Variants in PRKDC observed in about 807,000 individuals in gnomAD.
PRKDC encodes protein kinase, DNA-activated, catalytic subunit.
A neutral mutation model predicts 486.9 loss-of-function variants in PRKDC; 82 were observed. That is an observed-to-expected ratio of 0.17 (90% confidence interval 0.14 to 0.20). The LOEUF is 0.20. PRKDC is among the 10% of genes least tolerant of loss of function. The probability of loss-of-function intolerance (pLI) is 1.00; values close to 1 mark genes in which losing one functional copy is unlikely to be tolerated. For missense variants in PRKDC, 4,504 were observed against 5,038.2 expected (o/e 0.89, Z 3.21); for synonymous variants, 1,895 against 1,837.0 (o/e 1.03, Z -0.81).
intron 61 of PRKDC, among the ~76,000 whole-genome samples, chr8:47,829,956 G>A (rs2154499370): frequency 6.6e-6 from 1 of 152,170 alleles, no homozygotes; most frequent in Middle Eastern, 3.4e-3. Context: ...CCAAAAAAGA[G>A]CCCGTATAGC....
chr8:47,932,680 C>A (rs2090277447), intron 16 of PRKDC, among the ~76,000 whole-genome samples: 2 of 152,248 alleles, frequency 1.3e-5, no homozygotes, highest in East Asian at 3.9e-4. Flanking sequence ...ACAAGAGCAA[C>A]CCCAGGTTTC....
rs892202590 is a variant in PRKDC, at chr8:47,800,689, T to A, written c.10116+104A>T. The A allele has an allele frequency of 2.8e-5, 30 of 1,074,488 alleles. No homozygotes were observed. The Admixed American group carries it at 1.0e-3, about 36-fold the overall frequency. The allele number at this position is 1,074,488 out of a possible 1,614,324, so 66.6% of individuals were successfully genotyped here. On this transcript the variant is annotated intron_variant, in intron 71 of 85. Transcript: ENST00000314191. ...CTGTGCATAACTGTCAAATATATTT[T>A]AAAAACACAAAGCAACATCCTTATT...
intron 60 of PRKDC, 33 bp from the exon 61 acceptor site, chr8:47,830,769 C>T (rs777436222): frequency 1.2e-6 from 2 of 1,613,468 alleles, no homozygotes; most frequent in East Asian, 4.5e-5. Flanking sequence ...AGAAGATGAG[C>T]ATTCTCATTG....
chr8:47,898,273 T>C (rs2089617134), intron 29 of PRKDC, among the ~76,000 whole-genome samples, 197 bp downstream of exon 29: 1 of 152,232 alleles, frequency 6.6e-6, no homozygotes, highest in African/African-American at 2.4e-5. Flanking sequence ...ACCTTATACC[T>C]TATCCCTTAA....
intron 67 of PRKDC, 25 bp downstream of exon 67, chr8:47,819,377 A>G (rs754620149): frequency 7.1e-7 from 1 of 1,403,356 alleles, no homozygotes. Flanking sequence ...AGAAATGAAA[A>G]AAAAAGACCG....
chr8:47,830,877 G>T (rs1252684521), intron 60 of PRKDC, 141 bp from the exon 61 acceptor site: 6 of 961,222 alleles, frequency 6.2e-6, no homozygotes, highest in Non-Finnish European at 9.5e-6. Flanking sequence ...CTCAGTCGCC[G>T]TACTTTACCG....
intron 69 of PRKDC, among the ~76,000 whole-genome samples, chr8:47,804,147 G>T (rs1285130105): frequency 6.6e-6 from 1 of 152,094 alleles, no homozygotes; most frequent in Non-Finnish European, 1.5e-5. Context: ...CAGACATTCT[G>T]TAACAATGGT....
At chr8:47,899,636 C>T (rs1450146806) in intron 28 of PRKDC, among the ~76,000 whole-genome samples, 1 of 152,010 alleles carries the variant, frequency 6.6e-6, no homozygotes, top group Non-Finnish European at 1.5e-5. Context: ...AGAGCAAAAC[C>T]CCATCACAAA....
chr8:47,831,997 T>C (rs2087892005), intron 59 of PRKDC, 71 bp from the exon 60 acceptor site: 1 of 1,392,736 alleles, frequency 7.2e-7, no homozygotes, highest in African/African-American at 1.4e-5. Flanking sequence ...CATTTTCACC[T>C]CGGGTTTCCT....
chr8:47,850,276 C>T (rs1359691142), intron 52 of PRKDC, among the ~76,000 whole-genome samples: 1 of 152,152 alleles, frequency 6.6e-6, no homozygotes, highest in African/African-American at 2.4e-5. Context: ...GCACACAGAC[C>T]GAACAGTTTT....
intron 50 of PRKDC, among the ~76,000 whole-genome samples, chr8:47,854,752 C>T (rs929722869): frequency 9.9e-5 from 15 of 152,158 alleles, no homozygotes; most frequent in Non-Finnish European, 1.9e-4. Context: ...TTTCTTTTCC[C>T]ATATCCAATA....
Position 47,840,184 on chromosome 8 carries a change from T to A in PRKDC, c.7286A>T (p.Asp2429Val). The A allele has an allele frequency of 1.3e-6, 2 of 1,594,080 alleles. No individual in the cohort carries two copies. The highest frequency in any genetic ancestry group is 1.7e-6 in the Non-Finnish European group (2 of 1,168,474). ...GTCCAAACATACTTTTTGTCTTTCATCATCTCTATGGGAGAGATTTTAAAA... is the reference window on the plus strand; with the variant it reads ...GTCCAAACATACTTTTTGTCTTTCAACATCTCTATGGGAGAGATTTTAAAA... ...DFVQVMRHRD[D>V]ERQKVCLDII... The change falls in exon 55 of 86, where the codon GAT (aspartate) becomes GTT (valine). Residue 2429 changes from aspartate to valine, a missense_variant. Asp to Val is a radical substitution (Grantham distance 152). Around this residue, in one of 6 missense-constraint regions of PRKDC, gnomAD observed 1,592 missense variants for 1,724.6 expected, o/e 0.92. Coordinates refer to ENST00000314191, the MANE Select transcript of PRKDC (RefSeq NM_006904.7).
At chr8:47,859,175 G>A (rs897129618) in intron 46 of PRKDC, among the ~76,000 whole-genome samples, 189 bp from the exon 47 acceptor site, 1 of 152,152 alleles carries the variant, frequency 6.6e-6, no homozygotes, top group Non-Finnish European at 1.5e-5. Flanking sequence ...TGTCTTCCTT[G>A]CATCCCAAGT....
chr8:47,818,050 C>T (rs2087488561), intron 67 of PRKDC, among the ~76,000 whole-genome samples: 1 of 152,306 alleles, frequency 6.6e-6, no homozygotes, highest in African/African-American at 2.4e-5. Context: ...ACATTCTGGC[C>T]TCAAAGGTCT....
At chr8:47,908,853 T>C (rs2089842337) in intron 25 of PRKDC, among the ~76,000 whole-genome samples, 1 of 152,164 alleles carries the variant, frequency 6.6e-6, no homozygotes, top group Non-Finnish European at 1.5e-5. Context: ...TTATAGTTCG[T>C]TTTTCCTTCT....
At position 47,957,363 on chromosome 8, in the gene PRKDC, T is replaced by C. The variant is rs1490477360; in HGVS notation, c.223A>G (p.Ser75Gly). Reference protein sequence around the residue: ...LLVFVRKSLNSIEFRECREEI... With the variant: ...LLVFVRKSLNGIEFRECREEI... Reference sequence around the variant, plus strand: ...CAAAATTGTCAACTTACTTCAATACTGTTGAGTGACTTCCGGACAAATACA... The same window carrying C: ...CAAAATTGTCAACTTACTTCAATACCGTTGAGTGACTTCCGGACAAATACA... Residue 75 changes from serine (S) to glycine (G), a missense_variant, in exon 2 of 86, where the codon AGT becomes GGT. By Grantham distance (56) the Ser-to-Gly change is moderately conservative (BLOSUM62 0). This residue lies in a region of PRKDC where 145 missense variants were observed against 136.3 expected (regional missense o/e 1.06). Coordinates refer to ENST00000314191, the MANE Select transcript of PRKDC (RefSeq NM_006904.7). 6 of 1,598,070 alleles carry C rather than the reference T, an allele frequency of 3.8e-6. No homozygotes were observed. The highest frequency in any genetic ancestry group is 4.3e-6 in the Non-Finnish European group (5 of 1,171,592).
intron 51 of PRKDC, 25 bp from the exon 52 acceptor site, chr8:47,852,809 A>G (rs1479287997): frequency 7.3e-7 from 1 of 1,371,518 alleles, no homozygotes; most frequent in Non-Finnish European, 1.0e-6. Context: ...GAAAAGACAT[A>G]TGCATCAAAT....
At chr8:47,900,597 C>T (rs1308396098) in intron 27 of PRKDC, 130 bp from the exon 28 acceptor site, 3 of 724,976 alleles carry the variant, frequency 4.1e-6, no homozygotes, top group African/African-American at 1.8e-5. Context: ...TGCGGTGGCT[C>T]ACGCCTGTAA....
intron 80 of PRKDC, among the ~76,000 whole-genome samples, chr8:47,781,640 C>T (rs1261199801): frequency 5.3e-5 from 8 of 152,052 alleles, no homozygotes; most frequent in Non-Finnish European, 7.4e-5. Flanking sequence ...TTGTAGAAAA[C>T]TTGGAAAATA....
Sources: allele counts gnomAD v4.1 joint callset (sites outside exome capture counted in the v4.1 genomes callset), GRCh38; gene constraint gnomAD v4.1.1; regional missense constraint gnomAD v4.1.1; transcripts MANE v1.5; gene names NCBI Gene and HGNC (gene_info 2026-07-23, HGNC 2026-07-21).